The following MTHFD1L variants were observed in gnomAD, a reference collection of about 807,000 sequenced individuals.
The protein encoded by MTHFD1L is monofunctional C1-tetrahydrofolate synthase, mitochondrial.
MTHFD1L carries 81 observed loss-of-function variants against 119.5 expected under a neutral mutation model. The observed-to-expected ratio is 0.68, with a 90% CI of 0.57 to 0.82. MTHFD1L has a LOEUF of 0.82. Ranked by LOEUF, MTHFD1L falls within the 40% of genes least tolerant of loss-of-function variation. MTHFD1L has a pLI of 0.00. For missense variants in MTHFD1L, 1,125 were observed against 1,253.4 expected, an observed-to-expected ratio of 0.90 and a Z score of 1.55; for synonymous variants, 430 against 475.2, an observed-to-expected ratio of 0.90 and a Z score of 1.24.
rs985927641 is a variant in MTHFD1L at position 150,890,198 on chromosome 6, A to G, written c.780+2217A>G. Among the ~76,000 whole-genome samples the G allele has an allele frequency of 5.3e-5, 8 of 151,160 alleles. No individual in the cohort carries two copies. The South Asian group carries it at 6.2e-4, about 12-fold the overall frequency. On this transcript the variant is annotated intron_variant, in intron 7 of 27. Coordinates refer to ENST00000367321, the MANE Select transcript of MTHFD1L (RefSeq NM_015440.5). Reference sequence around the variant, plus strand: ...AAAGTGTATATATATGTGTGTGTGTATATATATATATAATAGACAAAACTT... The same window carrying G: ...AAAGTGTATATATATGTGTGTGTGTGTATATATATATAATAGACAAAACTT...
intron 16 of MTHFD1L, among the ~76,000 whole-genome samples, chr6:150,951,097 T>G (rs938519680): frequency 6.7e-6 from 1 of 149,314 alleles, no homozygotes; most frequent in Non-Finnish European, 1.5e-5. Flanking sequence ...AGTGCAGTAG[T>G]GCAATCTCCA....
chr6:151,076,232 C>CCTGTAGTA (rs939219075), intron 26 of MTHFD1L, among the ~76,000 whole-genome samples: 3 of 39,328 alleles, frequency 7.6e-5, no homozygotes, highest in Non-Finnish European at 3.0e-4. Context: ...GTTGTGGTGG[C>CCTGTAGTA]CTAGCTGCTC....
At chr6:151,088,067 GCTGTATGT>G (rs1793992689) in intron 26 of MTHFD1L, 1 of 152,214 alleles carries the variant, frequency 6.6e-6, no homozygotes, top group South Asian at 2.1e-4. Context: ...TCCCTGCAGT[GCTGTATGT>G]CTGGGGGGGT....
At chr6:150,982,085 C>A (rs898246354) in intron 20 of MTHFD1L, among the ~76,000 whole-genome samples, 25 of 151,124 alleles carry the variant, frequency 1.7e-4, no homozygotes, top group African/African-American at 5.9e-4. Flanking sequence ...CATGGTGAAA[C>A]CCTGTCTTGA....
At chr6:150,991,455 T>C (rs943928610) in intron 20 of MTHFD1L, among the ~76,000 whole-genome samples, 1 of 152,252 alleles carries the variant, frequency 6.6e-6, no homozygotes, top group African/African-American at 2.4e-5. Flanking sequence ...ATCAAATGAT[T>C]ATTTTTGTTT....
At chr6:151,012,048 A>AC (rs1584120050) in intron 21 of MTHFD1L, among the ~76,000 whole-genome samples, 1 of 147,378 alleles carries the variant, frequency 6.8e-6, no homozygotes, top group Non-Finnish European at 1.5e-5. Flanking sequence ...AAAAAAAAAA[A>AC]AAACCAGCAG....
At chr6:150,971,887 C>A in intron 19 of MTHFD1L, 60 bp from the exon 20 acceptor site, 1 of 1,467,392 alleles carries the variant, frequency 6.8e-7, no homozygotes, top group South Asian at 1.2e-5. Context: ...CCAAATTGAT[C>A]TTGGTTTCCA....
At chr6:151,077,839 G>A (rs9478943) in intron 26 of MTHFD1L, among the ~76,000 whole-genome samples, 105,268 of 151,718 alleles carry the variant, frequency 0.69, 38,424 homozygotes, top group East Asian at 0.91. Flanking sequence ...CGAGGCGGGC[G>A]GAGCACGAGG....
chr6:150,996,320 A>G (rs1292268718), intron 20 of MTHFD1L, among the ~76,000 whole-genome samples: 3 of 152,082 alleles, frequency 2.0e-5, no homozygotes. Context: ...TGACTTGATC[A>G]ACCATCTGCT....
At chr6:150,882,148 T>C (rs1781484745) in intron 4 of MTHFD1L, among the ~76,000 whole-genome samples, 1 of 152,214 alleles carries the variant, frequency 6.6e-6, no homozygotes, top group Non-Finnish European at 1.5e-5. Context: ...TTTTCCTAAA[T>C]AGTGAATTAT....
chr6:150,993,938 C>A (rs560018042), intron 20 of MTHFD1L, among the ~76,000 whole-genome samples: 2 of 151,154 alleles, frequency 1.3e-5, no homozygotes, highest in South Asian at 4.2e-4. Flanking sequence ...GAAAACACTG[C>A]GCAGTGTTGA....
chr6:150,930,798 T>A (rs986994948), intron 11 of MTHFD1L, among the ~76,000 whole-genome samples: 5 of 152,152 alleles, frequency 3.3e-5, no homozygotes, highest in African/African-American at 1.2e-4. Flanking sequence ...TGAGATTTTT[T>A]TAAATCTTCT....
At chr6:150,899,749 G>A (rs534085239) in intron 7 of MTHFD1L, among the ~76,000 whole-genome samples, 5 of 152,004 alleles carry the variant, frequency 3.3e-5, no homozygotes, top group East Asian at 1.9e-4. Context: ...CGAGGCAGGC[G>A]GATCATGAGG....
chr6:150,865,833 G>C lies in MTHFD1L; in HGVS notation c.11G>C (p.Arg4Pro). The change falls in exon 1 of 28, where the codon CGT becomes CCT. Residue 4 changes from arginine (R) to proline (P), a missense_variant. Coordinates refer to ENST00000367321, the MANE Select transcript of MTHFD1L (RefSeq NM_015440.5). ...CAGCCGTCCCGCGCCATGGGCACGC[G>C]TCTGCCGCTCGTCCTGCGCCAGCTC... MGT[R>P]LPLVLRQLRR... The C allele has an allele frequency of 7.9e-7, 1 of 1,266,600 alleles. No homozygotes were observed. The highest frequency in any genetic ancestry group is 2.0e-5 in the South Asian group (1 of 50,984). 78.5% of individuals were successfully genotyped at this position (1,266,600 alleles called of 1,614,324 possible).
chr6:150,904,385 G>T (rs175866), intron 7 of MTHFD1L, among the ~76,000 whole-genome samples: 104,412 of 151,982 alleles, frequency 0.69, 37,080 homozygotes, highest in African/African-American at 0.85. Flanking sequence ...TCGCCCTCTT[G>T]CTGCCTAGGT....
chr6:150,872,848 G>A, intron 1 of MTHFD1L, among the ~76,000 whole-genome samples: 1 of 147,100 alleles, frequency 6.8e-6, no homozygotes, highest in South Asian at 2.2e-4. Flanking sequence ...TTTTGGTAGA[G>A]ACCAGGTCTT....
At chr6:151,007,326 G>C (rs1392857115) in intron 20 of MTHFD1L, among the ~76,000 whole-genome samples, 1 of 151,512 alleles carries the variant, frequency 6.6e-6, no homozygotes, top group African/African-American at 2.4e-5. Flanking sequence ...CAGGGCTTCA[G>C]GGTAGTGACC....
At position 150,877,821 on chromosome 6, in the gene MTHFD1L, G is replaced by A. The variant is rs1164169795; in HGVS notation, c.412G>A (p.Ala138Thr). Residue 138 changes from alanine to threonine, a missense_variant, in exon 4 of 28, where the codon GCC becomes ACC. This residue lies in a region of MTHFD1L where 1,058 missense variants were observed against 1,151.2 expected (regional missense o/e 0.92). Transcript: ENST00000367321. The stretch of plus-strand genomic sequence containing the variant: ...TTGCCTCCCTCCAGATAGCAGTGAA[G>A]CCGAGGTAATAATGGCAGAGCTCTA... ...HICLPPDSSE[A>T]EIIDEILKIN... The A allele has an allele frequency of 6.2e-7, 1 of 1,614,226 alleles. No homozygotes were observed. Among genetic ancestry groups the A allele is most frequent in the South Asian group, 1.1e-5 (1 of 91,078 alleles).
chr6:150,917,444 C>T (rs1056546850), intron 8 of MTHFD1L, among the ~76,000 whole-genome samples: 19 of 151,896 alleles, frequency 1.3e-4, no homozygotes, highest in African/African-American at 3.4e-4. Context: ...GAGCTGAGAT[C>T]GTGCCATTGC....
Sources: gnomAD v4.1 joint callset for allele counts (sites outside exome capture counted in the v4.1 genomes callset) on GRCh38, gnomAD v4.1.1 for gene constraint, gnomAD v4.1.1 regional missense constraint, MANE v1.5 for transcripts, NCBI Gene and HGNC (gene_info 2026-07-23, HGNC 2026-07-21) for gene names.